The following RBFOX1 variants were observed in gnomAD, a reference collection of about 807,000 sequenced individuals.
RBFOX1 encodes the protein RNA binding protein fox-1 homolog 1.
Under a neutral mutation model 57.7 loss-of-function variants are expected in RBFOX1, and 8 were observed. The observed-to-expected ratio is 0.14, with a 90% CI of 0.08 to 0.25. RBFOX1 has a LOEUF of 0.25. Ranked by LOEUF, RBFOX1 falls within the 10% of genes least tolerant of loss-of-function variation. RBFOX1 has a pLI of 1.00. For missense variants in RBFOX1, 611 were observed against 548.5 expected, an observed-to-expected ratio of 1.11 and a Z score of -1.14; for synonymous variants, 326 against 222.4, an observed-to-expected ratio of 1.47 and a Z score of -4.15.
At chr16:6,377,743 A>C (rs987961160) in intron 2 of RBFOX1, among the ~76,000 whole-genome samples, 1 of 152,256 alleles carries the variant, frequency 6.6e-6, no homozygotes, top group African/African-American at 2.4e-5. Context: ...GTAATCATAT[A>C]AAATGTTTGG....
intron 1 of RBFOX1, among the ~76,000 whole-genome samples, chr16:6,119,541 G>A (rs2096532786): frequency 6.6e-6 from 1 of 152,140 alleles, no homozygotes; most frequent in Non-Finnish European, 1.5e-5. Flanking sequence ...TTCCTCTCAT[G>A]CCCTGTACAT....
At chr16:6,222,143 T>A (rs2097378278) in intron 1 of RBFOX1, among the ~76,000 whole-genome samples, 1 of 152,150 alleles carries the variant, frequency 6.6e-6, no homozygotes, top group African/African-American at 2.4e-5. Context: ...TAGCCAAATA[T>A]GTAGTCCAAT....
intron 1 of RBFOX1, among the ~76,000 whole-genome samples, chr16:5,433,540 G>C (rs148889090): frequency 4.0e-4 from 61 of 152,222 alleles, no homozygotes; most frequent in Non-Finnish European, 7.9e-4. Flanking sequence ...CAAATGGGAG[G>C]GAGGCAGAGT....
chr16:7,036,765 C>T (rs1330292851), intron 3 of RBFOX1, among the ~76,000 whole-genome samples: 1 of 151,214 alleles, frequency 6.6e-6, no homozygotes, highest in Non-Finnish European at 1.5e-5. Flanking sequence ...CAGGGAAGTC[C>T]ATAGAGTAAA....
chr16:7,708,460 G>T (rs1278949576), intron 14 of RBFOX1, among the ~76,000 whole-genome samples: 1 of 151,924 alleles, frequency 6.6e-6, no homozygotes, highest in African/African-American at 2.4e-5. Context: ...TGTGACAGAA[G>T]TTCTGGAATA....
rs528209986 is a variant in RBFOX1, at chr16:6,686,537, A to G, written c.-16+31887A>G. ...TGTTCTTCCATCCATGAAATTATAT[A>G]CATCTTGGGAACATTTCTCAGTTGC... On this transcript the variant is annotated intron_variant, in intron 3 of 15. Transcript: ENST00000550418. Among the ~76,000 whole-genome samples, 40 of 152,280 alleles carry G rather than the reference A, an allele frequency of 2.6e-4. No homozygotes were observed. The South Asian group carries it at 8.1e-3, about 31-fold the overall frequency.
chr16:7,342,218 A>G (rs2096911512), intron 4 of RBFOX1, among the ~76,000 whole-genome samples: 1 of 152,086 alleles, frequency 6.6e-6, no homozygotes. Context: ...TCATCTGTAA[A>G]ATGGGAGTAA....
chr16:6,309,788 G>A (rs1005164504), intron 1 of RBFOX1, among the ~76,000 whole-genome samples: 4 of 152,124 alleles, frequency 2.6e-5, no homozygotes, highest in Admixed American at 6.6e-5. Context: ...AGCCCTTGTT[G>A]AATGGGCAAA....
chr16:7,610,602 A>T (rs1042202877), intron 10 of RBFOX1, among the ~76,000 whole-genome samples: 3 of 152,182 alleles, frequency 2.0e-5, no homozygotes, highest in African/African-American at 7.2e-5. Context: ...GAAAATCCAC[A>T]TGCTTTCCTC....
At chr16:6,676,246 C>T (rs535225005) in intron 3 of RBFOX1, among the ~76,000 whole-genome samples, 160 of 151,570 alleles carry the variant, frequency 1.1e-3, no homozygotes, top group Non-Finnish European at 2.0e-3. Context: ...GTTGTAGTTA[C>T]GGGGAGTTCG....
chr16:6,498,749 T>C (rs1488651739), intron 2 of RBFOX1, among the ~76,000 whole-genome samples: 1 of 152,208 alleles, frequency 6.6e-6, no homozygotes, highest in Non-Finnish European at 1.5e-5. Flanking sequence ...ATAATAATTA[T>C]ATCTATAATA....
chr16:5,399,808 C>T (rs1171766082), intron 1 of RBFOX1, among the ~76,000 whole-genome samples: 2 of 151,872 alleles, frequency 1.3e-5, no homozygotes, highest in Non-Finnish European at 2.9e-5. Context: ...CAGTTTTGTC[C>T]ATCTGTCTAT....
In RBFOX1 at chr16:5,537,875, A is replaced by G. The variant is rs1193079161; in HGVS notation, c.259-61027A>G. On this transcript the variant is annotated intron_variant, in intron 2 of 2. Transcript: ENST00000585867. ...AGGCTGTTTTGCCACATAAGGTAACATGTTCACAGATTCTGGAAATAAAGC... is the reference window on the plus strand; with the variant it reads ...AGGCTGTTTTGCCACATAAGGTAACGTGTTCACAGATTCTGGAAATAAAGC... 2.0e-5 allele frequency among the ~76,000 whole-genome samples: 3 copies of G among 152,218 alleles called. No individual in the cohort carries two copies. The East Asian group carries it at 5.8e-4, about 29-fold the overall frequency.
At chr16:5,782,879 A>T (rs2054369768) in intron 3 of RBFOX1, among the ~76,000 whole-genome samples, 1 of 152,178 alleles carries the variant, frequency 6.6e-6, no homozygotes, top group South Asian at 2.1e-4. Flanking sequence ...TCAAGCAGGG[A>T]TGCAAGGAAG....
intron 4 of RBFOX1, among the ~76,000 whole-genome samples, chr16:7,364,779 G>T (rs13338698): frequency 1.1e-4 from 17 of 152,308 alleles, no homozygotes; most frequent in African/African-American, 4.1e-4. Flanking sequence ...AAGGTAATCT[G>T]TTGGAAGAAG....
intron 5 of RBFOX1, among the ~76,000 whole-genome samples, chr16:7,540,017 G>C (rs2082504305): frequency 6.6e-6 from 1 of 152,152 alleles, no homozygotes; most frequent in Admixed American, 6.5e-5. Flanking sequence ...AAGCATAGAA[G>C]GTGCCCTATA....
At chr16:6,819,364 A>G (rs11861549) in intron 3 of RBFOX1, among the ~76,000 whole-genome samples, 22,296 of 152,180 alleles carry the variant, frequency 0.15, 1,626 homozygotes, top group Non-Finnish European at 0.15. Flanking sequence ...GTGAACACAC[A>G]CACACATCCT....
At chr16:6,315,532 CATGGATGG>C (rs59618973) in intron 1 of RBFOX1, among the ~76,000 whole-genome samples, 3,769 of 141,894 alleles carry the variant, frequency 0.027, 66 homozygotes, top group African/African-American at 0.041. Flanking sequence ...TGGGTGAGTA[CATGGATGG>C]ATGGATGGAT....
intron 1 of RBFOX1, among the ~76,000 whole-genome samples, chr16:6,028,475 C>A (rs2095238260): frequency 7.0e-6 from 1 of 142,504 alleles, no homozygotes. Context: ...AGTTGGAGAC[C>A]AGCCTAGGCA....
Sources: allele counts gnomAD v4.1 joint callset (sites outside exome capture counted in the v4.1 genomes callset), GRCh38; gene constraint gnomAD v4.1.1; transcripts MANE v1.5; gene names NCBI Gene and HGNC (gene_info 2026-07-23, HGNC 2026-07-21).